AKAP1: variants seen among roughly 807,000 people sequenced by gnomAD.
AKAP1 encodes A-kinase anchor protein 1, mitochondrial.
AKAP1 carries 32 observed loss-of-function variants against 79.8 expected under a neutral mutation model. The ratio of observed to expected loss-of-function variants is 0.40; its 90% confidence interval spans 0.30 to 0.54. AKAP1 has a LOEUF of 0.54. Among genes scored for constraint, AKAP1 ranks in the 20% least tolerant of loss-of-function variants. The pLI is 0.47. For synonymous variants in AKAP1, 416 were observed against 466.7 expected (o/e 0.89, Z 1.40); for missense variants, 961 against 1,138.9 (o/e 0.84, Z 2.25).
intron 10 of AKAP1, among the ~76,000 whole-genome samples, chr17:57,119,451 C>T (rs147352982): frequency 2.6e-5 from 4 of 152,130 alleles, no homozygotes; most frequent in Non-Finnish European, 5.9e-5. Flanking sequence ...CAGTGGCTCA[C>T]CCCTGTAATC....
chr17:57,094,923 G>T (rs1914004190), intron 1 of AKAP1: 1 of 152,036 alleles, frequency 6.6e-6, no homozygotes, highest in African/African-American at 2.4e-5. Flanking sequence ...GATGGGTCTT[G>T]AATGAAAGTC....
Position 57,109,931 on chromosome 17 carries a change from G to C in AKAP1, c.1715-94G>C, listed in dbSNP as rs1158326834. On this transcript the variant is annotated intron_variant, in intron 2 of 10. Coordinates refer to ENST00000337714, the MANE Select transcript of AKAP1 (RefSeq NM_003488.4). ...GCTTGAGGAGCGGGTGTGGGGCAGGGCCTCCTGGGAATGTGAGTTTGGGAA... is the reference window on the plus strand; with the variant it reads ...GCTTGAGGAGCGGGTGTGGGGCAGGCCCTCCTGGGAATGTGAGTTTGGGAA... The C allele has an allele frequency of 2.0e-6, 3 of 1,527,838 alleles. No individual in the cohort carries two copies. In the Admixed American group the frequency reaches 5.4e-5, roughly 28 times the overall value. The allele number at this position is 1,527,838 out of a possible 1,614,324, so 94.6% of individuals were successfully genotyped here. A position where few individuals can be genotyped will look rare whatever the true frequency, so the allele number is the denominator to read the frequency against.
chr17:57,114,494 TGTG>T lies in AKAP1; in HGVS notation c.2142_2144del (p.Val715del). Reference sequence around the variant, plus strand: ...CTGATGGCATCACCGTGGAGGTCATTGTGGTCAACCAGGTCAATGCCGGGCACC... The same window carrying T: ...CTGATGGCATCACCGTGGAGGTCATTGTCAACCAGGTCAATGCCGGGCACC... On this transcript the variant is annotated inframe_deletion, in exon 6 of 11. Coordinates refer to ENST00000337714, the MANE Select transcript of AKAP1 (RefSeq NM_003488.4). 1 of 1,614,150 alleles carries T rather than the reference TGTG, an allele frequency of 6.2e-7. No individual in the cohort carries two copies. Among genetic ancestry groups the T allele is most frequent in the Non-Finnish European group, 8.5e-7 (1 of 1,180,026 alleles).
intron 1 of AKAP1, chr17:57,095,692 G>A (rs552098375): frequency 6.6e-6 from 1 of 152,074 alleles, no homozygotes; most frequent in Non-Finnish European, 1.5e-5. Context: ...TACCTCTTTG[G>A]TTTTGCCCAT....
At chr17:57,120,020 T>A (rs959394701) in intron 10 of AKAP1, among the ~76,000 whole-genome samples, 13 of 151,740 alleles carry the variant, frequency 8.6e-5, no homozygotes, top group African/African-American at 3.2e-4. Flanking sequence ...GAGACGGGGT[T>A]TCACCATGTT....
chr17:57,105,210 G>A (rs555563175), intron 1 of AKAP1, among the ~76,000 whole-genome samples: 1 of 152,318 alleles, frequency 6.6e-6, no homozygotes, highest in South Asian at 2.1e-4. Flanking sequence ...AAGAGGGTGC[G>A]TGAGTTGGGG....
At chr17:57,101,343 A>T (rs987876072) in intron 1 of AKAP1, among the ~76,000 whole-genome samples, 2 of 151,962 alleles carry the variant, frequency 1.3e-5, no homozygotes, top group Non-Finnish European at 2.9e-5. Context: ...GAATTATACC[A>T]CCTGGCTAAT....
At position 57,105,506 on chromosome 17, in the gene AKAP1, T is replaced by A. The variant is rs934087218; in HGVS notation, c.42T>A (p.Pro14=). 2.5e-6 allele frequency: 4 copies of A among 1,614,160 alleles called. No homozygotes were observed. Among genetic ancestry groups the A allele is most frequent in the Admixed American group, 3.3e-5 (2 of 60,020 alleles). Residue 14 remains proline (P), a synonymous_variant, in exon 2 of 11, where the codon CCT becomes CCA. Transcript: ENST00000337714. ...QFRSLFPLAL[P]GMLALLGWWW... is the part of the protein sequence containing the mutation. ...GTTCGCTCTTCCCCTTGGCATTGCC[T>A]GGGATGCTGGCGCTCCTCGGCTGGT... is the stretch of plus-strand genomic sequence containing the variant.
chr17:57,112,343 G>A (rs1282701379), intron 4 of AKAP1, 148 bp from the exon 5 acceptor site: 1 of 918,664 alleles, frequency 1.1e-6, no homozygotes. Flanking sequence ...TCTTCCTAAA[G>A]CAGAGCTTAA....
rs1915868414 is a variant in AKAP1, at chr17:57,120,588, GGAATA to G, written c.*268_*272del. 1 of 334,258 alleles carries G rather than the reference GGAATA, an allele frequency of 3.0e-6. No homozygotes were observed. Among genetic ancestry groups the G allele is most frequent in the African/African-American group, 2.2e-5 (1 of 44,692 alleles). 20.7% of individuals were successfully genotyped at this position (334,258 alleles called of 1,614,324 possible). ...AGCTGTTTAAAAAAAAAAAAAAAAA[GGAATA>G]GAAACAGTTTCAACCAGATTGTCCT... On this transcript the variant is annotated 3_prime_UTR_variant, in exon 11 of 11. Coordinates refer to ENST00000337714, the MANE Select transcript of AKAP1 (RefSeq NM_003488.4).
chr17:57,093,890 G>A (rs1236782819), intron 1 of AKAP1: 5 of 151,704 alleles, frequency 3.3e-5, no homozygotes, highest in South Asian at 2.1e-4. Flanking sequence ...GATTTAGCTC[G>A]TTCCTATGCT....
chr17:57,089,864 T>C (rs1294821423), intron 1 of AKAP1, among the ~76,000 whole-genome samples: 1 of 152,228 alleles, frequency 6.6e-6, no homozygotes, highest in African/African-American at 2.4e-5. Flanking sequence ...AAGGTCCAGA[T>C]GCTAAGCCCT....
chr17:57,108,971 C>CT, intron 2 of AKAP1, among the ~76,000 whole-genome samples: 1 of 152,352 alleles, frequency 6.6e-6, no homozygotes, highest in Non-Finnish European at 1.5e-5. Context: ...AGAAGGGGTA[C>CT]TTTTCCCTGC....
At chr17:57,109,779 C>T (rs530152368) in intron 2 of AKAP1, among the ~76,000 whole-genome samples, 3 of 152,280 alleles carry the variant, frequency 2.0e-5, no homozygotes, top group Non-Finnish European at 2.9e-5. Context: ...TGGCTGGGTG[C>T]GGCTGCCAAT....
intron 8 of AKAP1, among the ~76,000 whole-genome samples, chr17:57,117,271 C>T (rs1485056163): frequency 1.3e-5 from 2 of 152,190 alleles, no homozygotes; most frequent in Non-Finnish European, 2.9e-5. Flanking sequence ...TACTGCTCAG[C>T]CAGGCCATAG....
intron 6 of AKAP1, among the ~76,000 whole-genome samples, chr17:57,114,912 T>C (rs916836497): frequency 4.6e-5 from 7 of 152,004 alleles, no homozygotes; most frequent in South Asian, 2.1e-4. Flanking sequence ...CTTTTTTTTT[T>C]CCCTCAAAGC....
At chr17:57,096,042 GTGCTGA>G (rs1914091484) in intron 1 of AKAP1, 1 of 152,244 alleles carries the variant, frequency 6.6e-6, no homozygotes, top group African/African-American at 2.4e-5. Flanking sequence ...TTTGTAGGAG[GTGCTGA>G]TGATTTTTCC....
At chr17:57,115,282 AGT>A (rs1304572742) in intron 6 of AKAP1, among the ~76,000 whole-genome samples, 3 of 152,198 alleles carry the variant, frequency 2.0e-5, no homozygotes, top group African/African-American at 7.2e-5. Context: ...AACCTTCTGA[AGT>A]GATCTCTGTA....
chr17:57,091,468 G>A (rs931511000), intron 1 of AKAP1, among the ~76,000 whole-genome samples: 1 of 152,102 alleles, frequency 6.6e-6, no homozygotes, highest in Non-Finnish European at 1.5e-5. Context: ...GGAGGGGGTG[G>A]CTGCTTAAGA....
Sources: gnomAD v4.1 joint callset for allele counts (sites outside exome capture counted in the v4.1 genomes callset) on GRCh38, gnomAD v4.1.1 for gene constraint, MANE v1.5 for transcripts, NCBI Gene and HGNC (gene_info 2026-07-23, HGNC 2026-07-21) for gene names.